NRG2: variants seen among roughly 807,000 people sequenced by gnomAD.
The protein encoded by NRG2 is neuregulin 2.
A neutral mutation model predicts 73.9 loss-of-function variants in NRG2; 27 were observed. The observed-to-expected ratio is 0.37, with a 90% CI of 0.27 to 0.50. The LOEUF (loss-of-function observed/expected upper bound fraction) is 0.50, where lower values mean the gene tolerates loss of function less well. Ranked by LOEUF, NRG2 falls within the 20% of genes least tolerant of loss-of-function variation. The pLI, the probability that NRG2 is intolerant of heterozygous loss-of-function variation, is 0.96. For missense variants in NRG2, 1,126 were observed against 1,210.1 expected (o/e 0.93, Z 1.03); for synonymous variants, 532 against 541.0 (o/e 0.98, Z 0.23).
chr5:139,892,742 G>A (rs540379057), intron 1 of NRG2, among the ~76,000 whole-genome samples: 7 of 152,300 alleles, frequency 4.6e-5, no homozygotes, highest in East Asian at 1.9e-4. Flanking sequence ...GTCAGGGAAA[G>A]AACTGAAGCA....
intron 2 of NRG2, 124 bp from the exon 3 acceptor site, chr5:139,881,098 G>A: frequency 1.4e-6 from 1 of 728,140 alleles, no homozygotes; most frequent in Non-Finnish European, 2.4e-6. Flanking sequence ...AGATGGGAAG[G>A]AGATTCCCTC....
chr5:139,993,729 T>C (rs967105031), intron 1 of NRG2, among the ~76,000 whole-genome samples: 1 of 152,248 alleles, frequency 6.6e-6, no homozygotes, highest in Non-Finnish European at 1.5e-5. Context: ...AGATTTGTTA[T>C]ATCAAAATTA....
At position 139,847,890 on chromosome 5, in the gene NRG2, C is replaced by A; in HGVS notation, c.*27G>T. The A allele has an allele frequency of 9.2e-7, 1 of 1,089,084 alleles. No homozygotes were observed. Among genetic ancestry groups the A allele is most frequent in the Non-Finnish European group, 1.2e-6 (1 of 837,724 alleles). The allele number at this position is 1,089,084 out of a possible 1,614,324, so 67.5% of individuals were successfully genotyped here. A position where few individuals can be genotyped will look rare whatever the true frequency, so the allele number is the denominator to read the frequency against. On this transcript the variant is annotated 3_prime_UTR_variant, in exon 10 of 10. Coordinates refer to ENST00000361474, the MANE Select transcript of NRG2 (RefSeq NM_004883.3). ...GTCTCCTTAAAGATAGTGGGGCGGG[C>A]GGGGCGGAGGGGCGCGCGGCGGGGC...
At chr5:140,003,610 C>T (rs751231081) in intron 1 of NRG2, among the ~76,000 whole-genome samples, 3 of 152,186 alleles carry the variant, frequency 2.0e-5, no homozygotes, top group Non-Finnish European at 4.4e-5. Context: ...TTTGAGCCCA[C>T]TAAGACTGAT....
At chr5:140,025,346 G>A (rs546385003) in intron 1 of NRG2, among the ~76,000 whole-genome samples, 21 of 152,226 alleles carry the variant, frequency 1.4e-4, no homozygotes, top group African/African-American at 5.1e-4. Flanking sequence ...AATAAGCCTC[G>A]ATTCTGAACC....
At chr5:139,923,020 A>G (rs1284388830) in intron 1 of NRG2, among the ~76,000 whole-genome samples, 2 of 152,200 alleles carry the variant, frequency 1.3e-5, no homozygotes, top group African/African-American at 4.8e-5. Flanking sequence ...TGATACTATA[A>G]TGAATACATG....
intron 1 of NRG2, among the ~76,000 whole-genome samples, chr5:140,036,003 A>T (rs1279031639): frequency 6.6e-6 from 1 of 152,166 alleles, no homozygotes; most frequent in Non-Finnish European, 1.5e-5. Context: ...GGTAAATGAA[A>T]TGTTAACCAC....
Position 139,880,974 on chromosome 5 carries a change from T to C in NRG2, c.873A>G (p.Arg291=), listed in dbSNP as rs745645568. The change falls in exon 3 of 10, where the codon AGA becomes AGG. Residue 291 remains arginine, a splice_region_variant and synonymous_variant. Coordinates refer to ENST00000361474, the MANE Select transcript of NRG2 (RefSeq NM_004883.3). ...RDIRIKYGNG[R]KNSRLQFNKV... ...TGTTGAACTGTAGTCGTGAGTTCTT[T>C]CTGGTTAGGGAGGGGATAAAAGGGG... 1.5e-5 allele frequency: 24 copies of C among 1,613,412 alleles called. No individual in the cohort carries two copies. Among genetic ancestry groups the C allele is most frequent in the Non-Finnish European group, 2.0e-5 (24 of 1,179,484 alleles).
chr5:139,913,138 G>A (rs1359988514), intron 1 of NRG2, among the ~76,000 whole-genome samples: 2 of 152,208 alleles, frequency 1.3e-5, no homozygotes, highest in African/African-American at 2.4e-5. Flanking sequence ...GAGCACCTGC[G>A]CCTGGTTACT....
At chr5:139,941,381 G>C (rs924371126) in intron 1 of NRG2, among the ~76,000 whole-genome samples, 2 of 151,138 alleles carry the variant, frequency 1.3e-5, no homozygotes, top group Middle Eastern at 3.4e-3. Context: ...ATTTTTGGGG[G>C]GTGGGGGATA....
chr5:139,983,392 A>G (rs545420483), intron 1 of NRG2, among the ~76,000 whole-genome samples: 2 of 152,336 alleles, frequency 1.3e-5, no homozygotes, highest in South Asian at 4.1e-4. Flanking sequence ...GGCCCAAGGC[A>G]AGGCCCAGCC....
intron 1 of NRG2, among the ~76,000 whole-genome samples, chr5:139,964,698 T>A (rs1325121070): frequency 6.6e-6 from 1 of 152,234 alleles, no homozygotes; most frequent in Non-Finnish European, 1.5e-5. Flanking sequence ...TTCTCAAAGC[T>A]GACAGGGCCT....
chr5:139,958,533 G>A (rs1754807746), intron 1 of NRG2, among the ~76,000 whole-genome samples: 1 of 152,060 alleles, frequency 6.6e-6, no homozygotes, highest in African/African-American at 2.4e-5. Context: ...AATGGAAAAA[G>A]GATATTTTTT....
At position 139,954,668 on chromosome 5, in the gene NRG2, T is replaced by C. The variant is rs529167792; in HGVS notation, c.701-67157A>G. ...CCCAGCGACTCTCCGCAGAGGCCCC[T>C]GCGCGTATCCCGCCAAGTTCCTCTC... On this transcript the variant is annotated intron_variant, in intron 1 of 9. Transcript: ENST00000361474. The surrounding 1 kb of genome is among the most constrained non-coding windows in gnomAD (Gnocchi z 5.0). Among the ~76,000 whole-genome samples, 6 of 152,342 alleles carry C rather than the reference T, an allele frequency of 3.9e-5. No homozygotes were observed. Among genetic ancestry groups the C allele is most frequent in the Admixed American group, 1.3e-4 (2 of 15,302 alleles).
chr5:139,891,065 C>T (rs1251501131), intron 1 of NRG2, among the ~76,000 whole-genome samples: 1 of 152,194 alleles, frequency 6.6e-6, no homozygotes, highest in Non-Finnish European at 1.5e-5. Flanking sequence ...TTTCTTGCAA[C>T]TCAGAGACAA....
rs113313170 is a variant in NRG2, at chr5:139,888,490, G to A, written c.701-979C>T. On this transcript the variant is annotated intron_variant, in intron 1 of 9. Coordinates refer to ENST00000361474, the MANE Select transcript of NRG2 (RefSeq NM_004883.3). ...GATGGTTAAAAGCCTTCCAGTAGCA[G>A]AAGGGAGGGTCTGTTGGAGCCAGGG... Among the ~76,000 whole-genome samples, 15 of 152,346 alleles carry A rather than the reference G, an allele frequency of 9.8e-5. 4 individuals carry two copies. Among genetic ancestry groups the A allele is most frequent in the African/African-American group, 3.6e-4 (15 of 41,572 alleles).
intron 1 of NRG2, among the ~76,000 whole-genome samples, chr5:139,922,105 C>T (rs1178637502): frequency 6.6e-6 from 1 of 151,302 alleles, no homozygotes; most frequent in East Asian, 1.9e-4. Flanking sequence ...AAAACTTCTC[C>T]TCTACAAAAG....
intron 1 of NRG2, among the ~76,000 whole-genome samples, chr5:139,996,922 C>T (rs1758059141): frequency 6.6e-6 from 1 of 152,140 alleles, no homozygotes; most frequent in Admixed American, 6.5e-5. Flanking sequence ...GGGCAGATTG[C>T]TTGAGTCCAG....
chr5:139,883,971 C>T (rs116157993), intron 2 of NRG2, among the ~76,000 whole-genome samples: 1 of 152,302 alleles, frequency 6.6e-6, no homozygotes, highest in African/African-American at 2.4e-5. Flanking sequence ...GAAACTGAGG[C>T]TTAACCAGGA....
Sources: allele counts gnomAD v4.1 joint callset (sites outside exome capture counted in the v4.1 genomes callset), GRCh38; gene constraint gnomAD v4.1.1; non-coding constraint Gnocchi (gnomAD v3.1); transcripts MANE v1.5; gene names NCBI Gene and HGNC (gene_info 2026-07-23, HGNC 2026-07-21).